ZNF503: variants seen among roughly 807,000 people sequenced by gnomAD.
The protein encoded by ZNF503 is zinc finger protein 503, also known as NocA-like zinc finger 2.
A neutral mutation model predicts 34.4 loss-of-function variants in ZNF503; 15 were observed. The observed-to-expected ratio is 0.44, with a 90% CI of 0.29 to 0.67. The LOEUF is 0.67. Ranked by LOEUF, ZNF503 falls within the 30% of genes least tolerant of loss-of-function variation. The pLI, the probability that ZNF503 is intolerant of heterozygous loss-of-function variation, is 0.13. For synonymous variants in ZNF503, 580 were observed against 456.8 expected, an observed-to-expected ratio of 1.27 and a Z score of -3.44; for missense variants, 1,007 against 926.8, an observed-to-expected ratio of 1.09 and a Z score of -1.12.
chr10:75,367,718 G>A, the ZNF503 span, among the ~76,000 whole-genome samples: 1 of 152,206 alleles, frequency 6.6e-6, no homozygotes. Flanking sequence ...AGCAGAAGGT[G>A]GCTGTGGAGC....
At chr10:75,365,758 G>C in the ZNF503 span, among the ~76,000 whole-genome samples, 1 of 152,178 alleles carries the variant, frequency 6.6e-6, no homozygotes, top group Admixed American at 6.5e-5. Context: ...AGTTAATATG[G>C]TATATGAAAA....
chr10:75,314,216 A>G, the ZNF503 span, among the ~76,000 whole-genome samples: 35,365 of 144,898 alleles, frequency 0.24, 5,338 homozygotes, highest in African/African-American at 0.42. Flanking sequence ...CAGCCTGGGC[A>G]ACAGAGCGAG....
At chr10:75,361,863 G>A in the ZNF503 span, among the ~76,000 whole-genome samples, 1 of 152,158 alleles carries the variant, frequency 6.6e-6, no homozygotes, top group Admixed American at 6.5e-5. Flanking sequence ...GCGTGGGAAG[G>A]ACAAAAGAGA....
chr10:75,393,149 G>A (rs1440563396), downstream of ZNF503, among the ~76,000 whole-genome samples: 1 of 152,218 alleles, frequency 6.6e-6, no homozygotes, highest in South Asian at 2.1e-4. Context: ...TACCCCCTGG[G>A]CTCACTCTGG....
At chr10:75,340,033 G>A in the ZNF503 span, among the ~76,000 whole-genome samples, 5 of 151,434 alleles carry the variant, frequency 3.3e-5, no homozygotes, top group African/African-American at 7.3e-5. Flanking sequence ...TGGGCAACAC[G>A]GCAAAACCCT....
At chr10:75,314,108 C>T in the ZNF503 span, among the ~76,000 whole-genome samples, 16 of 151,984 alleles carry the variant, frequency 1.1e-4, no homozygotes, top group Middle Eastern at 3.2e-3. Context: ...TGGAGATCTG[C>T]GAATTGCTAG....
At chr10:75,320,403 C>A in the ZNF503 span, among the ~76,000 whole-genome samples, 1 of 152,278 alleles carries the variant, frequency 6.6e-6, no homozygotes, top group South Asian at 2.1e-4. Flanking sequence ...ATCACTTGAA[C>A]CCAGGAGGGG....
In ZNF503 at chr10:75,401,559, C is replaced by G. The variant is rs1843824475; in HGVS notation, c.-140G>C. 3 of 1,033,338 alleles carry G rather than the reference C, an allele frequency of 2.9e-6. No homozygotes were observed. The highest frequency in any genetic ancestry group is 2.8e-6 in the Non-Finnish European group (2 of 720,328). 64.0% of individuals were successfully genotyped at this position (1,033,338 alleles called of 1,614,324 possible). ...GCGGCGGCCACGGGCGCCCAGCGCG[C>G]CTTCTCGGCGCCTGGAGCCAGACGC... On this transcript the variant is annotated 5_prime_UTR_variant, in exon 1 of 2. Coordinates refer to ENST00000372524, the MANE Select transcript of ZNF503 (RefSeq NM_032772.6).
At chr10:75,339,764 T>G in the ZNF503 span, among the ~76,000 whole-genome samples, 27 of 152,144 alleles carry the variant, frequency 1.8e-4, no homozygotes, top group African/African-American at 6.3e-4. Context: ...TACATCTTGA[T>G]GCTATTTAAG....
the ZNF503 span, among the ~76,000 whole-genome samples, chr10:75,364,855 C>A: frequency 6.6e-6 from 1 of 152,104 alleles, no homozygotes; most frequent in Non-Finnish European, 1.5e-5. Context: ...GACTTTAAAG[C>A]GACTTCTGTG....
the ZNF503 span, chr10:75,280,401 T>C: frequency 6.6e-6 from 1 of 152,224 alleles, no homozygotes; most frequent in Admixed American, 6.5e-5. Flanking sequence ...AGTCCATGTG[T>C]CTCCTTTCCT....
the ZNF503 span, among the ~76,000 whole-genome samples, chr10:75,328,035 A>T: frequency 1.3e-5 from 2 of 152,248 alleles, no homozygotes; most frequent in Admixed American, 6.5e-5. Flanking sequence ...AATGTTTTCT[A>T]CAATTCTTCA....
the ZNF503 span, among the ~76,000 whole-genome samples, chr10:75,376,360 GAGAC>G: frequency 5.3e-5 from 8 of 152,074 alleles, no homozygotes; most frequent in African/African-American, 1.9e-4. Flanking sequence ...AGAAATACCT[GAGAC>G]TGGGCATGGT....
the ZNF503 span, among the ~76,000 whole-genome samples, chr10:75,384,941 G>T: frequency 6.6e-5 from 10 of 152,300 alleles, no homozygotes; most frequent in Middle Eastern, 3.4e-3. Flanking sequence ...GGTGCTCAAA[G>T]GGAACTCGGA....
At chr10:75,373,547 C>T in the ZNF503 span, 1 of 152,308 alleles carries the variant, frequency 6.6e-6, no homozygotes, top group African/African-American at 2.4e-5. Flanking sequence ...ACCTGGGACT[C>T]CCTTTCCTAG....
chr10:75,377,660 T>C, the ZNF503 span, among the ~76,000 whole-genome samples: 4 of 152,300 alleles, frequency 2.6e-5, no homozygotes, highest in Non-Finnish European at 5.9e-5. Context: ...TCTATCCAGG[T>C]TGAAGTGGGC....
Position 75,399,467 on chromosome 10 carries a change from G to A in ZNF503, c.1223C>T (p.Ala408Val), listed in dbSNP as rs1319571863. 1.9e-6 allele frequency: 3 copies of A among 1,582,568 alleles called. No homozygotes were observed. Among genetic ancestry groups the A allele is most frequent in the Non-Finnish European group, 1.7e-6 (2 of 1,170,748 alleles). The part of the protein sequence containing the change: ...AAGSLGCSKP[A>V]GSSPLAGASP... ...CGCTCCGGCCAAAGGGCTGGAGCCG[G>A]CCGGCTTACTGCAGCCCAGAGACCC... The change falls in exon 2 of 2, where the codon GCC (alanine) becomes GTC (valine). Residue 408 changes from alanine to valine, a missense_variant. Transcript: ENST00000372524.
At chr10:75,373,379 A>T in the ZNF503 span, 1 of 152,216 alleles carries the variant, frequency 6.6e-6, no homozygotes, top group Non-Finnish European at 1.5e-5. Context: ...CTGTCTTCTC[A>T]GTTTCCTTAC....
the ZNF503 span, among the ~76,000 whole-genome samples, chr10:75,327,144 C>A: frequency 1.3e-5 from 2 of 152,282 alleles, no homozygotes; most frequent in South Asian, 4.1e-4. Flanking sequence ...GTTAATTATA[C>A]TTACCCTGTA....
Sources: gnomAD v4.1 joint callset for allele counts (sites outside exome capture counted in the v4.1 genomes callset) on GRCh38, gnomAD v4.1.1 for gene constraint, MANE v1.5 for transcripts, NCBI Gene and HGNC (gene_info 2026-07-23, HGNC 2026-07-21) for gene names.